The following HIPK2 variants were observed in gnomAD, a reference collection of about 807,000 sequenced individuals.
The protein encoded by HIPK2 is homeodomain-interacting protein kinase 2.
Under a neutral mutation model 113.7 loss-of-function variants are expected in HIPK2, and 27 were observed. The observed-to-expected ratio is 0.24, with a 90% confidence interval of 0.17 to 0.33. The LOEUF is 0.33. Among genes scored for constraint, HIPK2 ranks in the 10% least tolerant of loss-of-function variants. HIPK2 has a pLI of 1.00. For missense variants in HIPK2, 1,257 were observed against 1,588.0 expected, an observed-to-expected ratio of 0.79 and a Z score of 3.54; for synonymous variants, 631 against 642.2, an observed-to-expected ratio of 0.98 and a Z score of 0.26.
At position 139,596,973 on chromosome 7, in the gene HIPK2, A is replaced by C; in HGVS notation, c.2461T>G (p.Ser821Ala). The change falls in exon 12 of 15, where the codon TCC becomes GCC. Residue 821 changes from serine (S) to alanine (A), a missense_variant. This residue lies in a region of HIPK2 where 862 missense variants were observed against 1,004.3 expected (regional missense o/e 0.86). Transcript: ENST00000406875. ...VRNVSTCEVSSSQAISSPQRS... is the reference protein window; with the variant it reads ...VRNVSTCEVSASQAISSPQRS... ...TGTGGGGAGCTGATGGCCTGAGAGG[A>C]GGACACCTCACAGGTGGAGACATTT... 3.1e-6 allele frequency: 5 copies of C among 1,601,298 alleles called. No homozygotes were observed. Among genetic ancestry groups the C allele is most frequent in the Non-Finnish European group, 4.3e-6 (5 of 1,169,768 alleles).
chr7:139,632,014 A>G (rs1800635199), intron 2 of HIPK2, among the ~76,000 whole-genome samples: 1 of 152,270 alleles, frequency 6.6e-6, no homozygotes, highest in African/African-American at 2.4e-5. Flanking sequence ...TTCACACGCC[A>G]ATCAGATGAG....
intron 2 of HIPK2, among the ~76,000 whole-genome samples, chr7:139,664,213 C>A (rs993239582): frequency 2.0e-5 from 3 of 152,232 alleles, no homozygotes; most frequent in Admixed American, 6.5e-5. Flanking sequence ...TTTTTCCTGT[C>A]ATCCGCACCC....
In HIPK2 at chr7:139,771,982, G is replaced by A. The variant is rs901639070; in HGVS notation, c.19+5623C>T. ...TAGAATACTGGAATTGGTCACTCAG[G>A]GAGTTCCAACTGCCCTTTCCTGGAA... On this transcript the variant is annotated intron_variant, in intron 1 of 14. Transcript: ENST00000406875. 3.9e-5 allele frequency among the ~76,000 whole-genome samples: 6 copies of A among 152,122 alleles called. No homozygotes were observed. In the East Asian group the frequency reaches 5.8e-4, roughly 15 times the overall value.
At chr7:139,742,992 G>A (rs564707965) in intron 1 of HIPK2, among the ~76,000 whole-genome samples, 15 of 152,158 alleles carry the variant, frequency 9.9e-5, no homozygotes, top group Non-Finnish European at 1.5e-4. Context: ...GGACAGAAAC[G>A]TGGCATGGCA....
At chr7:139,646,926 C>T (rs529526997) in intron 2 of HIPK2, among the ~76,000 whole-genome samples, 16 of 152,122 alleles carry the variant, frequency 1.1e-4, no homozygotes, top group South Asian at 4.2e-4. Flanking sequence ...GCTTCCCCTC[C>T]GCACCTCTGT....
rs2116432530 is a variant in HIPK2 at position 139,570,668 on chromosome 7, G to A, written c.*2259C>T. The A allele has an allele frequency of 6.6e-6, 1 of 152,462 alleles. No individual in the cohort carries two copies. The highest frequency in any genetic ancestry group is 2.1e-4 in the South Asian group (1 of 4,826). The allele number at this position is 152,462 out of a possible 1,614,324, so 9.4% of individuals were successfully genotyped here. ...AACGACTTCGTTACTGAGTTAGGTT[G>A]GATATCACTACAAACACACCTTTCA... On this transcript the variant is annotated 3_prime_UTR_variant, in exon 15 of 15. Coordinates refer to ENST00000406875, the MANE Select transcript of HIPK2 (RefSeq NM_022740.5).
In HIPK2 at chr7:139,589,650, T is replaced by C. The variant is rs6952962; in HGVS notation, c.2718-5586A>G. Among the ~76,000 whole-genome samples the C allele has an allele frequency of 4.3e-3, 651 of 152,300 alleles. 11 individuals are homozygous for C. Among genetic ancestry groups the C allele is most frequent in the African/African-American group, 0.015 (638 of 41,564 alleles). ...GAAGAATGGCTTTCTGGCATGAGTC[T>C]TGTGAGAGCTGACAGCTTGGCGTGG... On this transcript the variant is annotated intron_variant, in intron 12 of 14. Transcript: ENST00000406875.
At chr7:139,574,192 G>A (rs1798410891) in intron 14 of HIPK2, among the ~76,000 whole-genome samples, 1 of 152,034 alleles carries the variant, frequency 6.6e-6, no homozygotes, top group Non-Finnish European at 1.5e-5. Flanking sequence ...AAAATTATTG[G>A]CTCTCACAAC....
At chr7:139,721,160 C>G (rs1008174632) in intron 1 of HIPK2, among the ~76,000 whole-genome samples, 1 of 152,214 alleles carries the variant, frequency 6.6e-6, no homozygotes, top group Non-Finnish European at 1.5e-5. Flanking sequence ...CTGGACCCAA[C>G]GCTCAGTGCA....
At chr7:139,601,021 C>G (rs573713742) in intron 10 of HIPK2, among the ~76,000 whole-genome samples, 1 of 152,244 alleles carries the variant, frequency 6.6e-6, no homozygotes, top group South Asian at 2.1e-4. Flanking sequence ...GGAGGGCAGA[C>G]GGCTTGAGCT....
In HIPK2 at chr7:139,714,542, G is replaced by C. The variant is rs1037952946; in HGVS notation, c.1103+1390C>G. Among the ~76,000 whole-genome samples, 1 of 152,206 alleles carries C rather than the reference G, an allele frequency of 6.6e-6. No homozygotes were observed. Among genetic ancestry groups the C allele is most frequent in the Non-Finnish European group, 1.5e-5 (1 of 68,030 alleles). On this transcript the variant is annotated intron_variant, in intron 2 of 14. Coordinates refer to ENST00000406875, the MANE Select transcript of HIPK2 (RefSeq NM_022740.5). This position sits in a 1 kb window ranked among gnomAD's most constrained non-coding sequence, Gnocchi z 4.2. The stretch of plus-strand genomic sequence containing the variant: ...AGGTCAGCCCCAGGAATGGGTGACA[G>C]GTCAGCTGTGTCGACAAGGCCCTGG...
chr7:139,598,731 G>C (rs188564762), intron 11 of HIPK2, among the ~76,000 whole-genome samples: 1 of 152,230 alleles, frequency 6.6e-6, no homozygotes, highest in Non-Finnish European at 1.5e-5. Flanking sequence ...GGAGGCTAAG[G>C]GTTCTTACTG....
chr7:139,575,269 C>T lies in HIPK2; in HGVS notation c.2985G>A (p.Ser995=), dbSNP rs999342280. The change falls in exon 14 of 15, where the codon TCG becomes TCA. Residue 995 remains serine (S), a synonymous_variant. Coordinates refer to ENST00000406875, the MANE Select transcript of HIPK2 (RefSeq NM_022740.5). ...SLVPVNTSHH[S]SSYKSKSSSN... The stretch of plus-strand genomic sequence containing the variant: ...TGGAGGACTTGGACTTGTAGGAGGA[C>T]GAGTGGTGACTGGTGTTGACTGTGG... The T allele has an allele frequency of 1.9e-5, 30 of 1,573,280 alleles. No homozygotes were observed. The Admixed American group carries it at 3.0e-4, about 16-fold the overall frequency.
chr7:139,578,240 C>T (rs1348654648), intron 13 of HIPK2, among the ~76,000 whole-genome samples: 1 of 152,106 alleles, frequency 6.6e-6, no homozygotes, highest in African/African-American at 2.4e-5. Flanking sequence ...GAATTCCTGA[C>T]CTTGTGATCC....
chr7:139,700,417 C>G (rs1021629885), intron 2 of HIPK2, among the ~76,000 whole-genome samples: 1 of 152,160 alleles, frequency 6.6e-6, no homozygotes, highest in African/African-American at 2.4e-5. Flanking sequence ...GCTATGATGA[C>G]GGTCACAAAA....
intron 2 of HIPK2, among the ~76,000 whole-genome samples, chr7:139,667,442 T>TTTGAAAAA (rs1257027775): frequency 6.6e-6 from 1 of 152,220 alleles, no homozygotes; most frequent in African/African-American, 2.4e-5. Flanking sequence ...GGGGATATGA[T>TTTGAAAAA]TTGAAAAACT....
rs1797989378 is a variant in HIPK2 at position 139,563,002 on chromosome 7, G to C, written c.*9925C>G. 1 of 152,126 alleles carries C rather than the reference G, an allele frequency of 6.6e-6. No homozygotes were observed. The highest frequency in any genetic ancestry group is 2.4e-5 in the African/African-American group (1 of 41,394). 9.4% of individuals were successfully genotyped at this position (152,126 alleles called of 1,614,324 possible). ...ATGAAGAGATGATTTGGGGGCTAGAGATGACTGTGCCCTGGAAAGTCCATG... is the reference window on the plus strand; with the variant it reads ...ATGAAGAGATGATTTGGGGGCTAGACATGACTGTGCCCTGGAAAGTCCATG... On this transcript the variant is annotated 3_prime_UTR_variant, in exon 15 of 15. Coordinates refer to ENST00000406875, the MANE Select transcript of HIPK2 (RefSeq NM_022740.5).
intron 1 of HIPK2, among the ~76,000 whole-genome samples, chr7:139,763,483 CA>C (rs138352751): frequency 0.17 from 23,115 of 134,660 alleles, 2,897 homozygotes; most frequent in African/African-American, 0.23. Context: ...CCCCCCCCCC[CA>C]CACGCCCCTC....
At chr7:139,623,425 G>A (rs1800307937) in intron 6 of HIPK2, among the ~76,000 whole-genome samples, 1 of 150,546 alleles carries the variant, frequency 6.6e-6, no homozygotes, top group South Asian at 2.1e-4. Flanking sequence ...CAGGAGAATC[G>A]CTTGAACCTG....
Sources: gnomAD v4.1 joint callset for allele counts (sites outside exome capture counted in the v4.1 genomes callset) on GRCh38, gnomAD v4.1.1 for gene constraint, gnomAD v4.1.1 regional missense constraint, Gnocchi (gnomAD v3.1) non-coding constraint, MANE v1.5 for transcripts, NCBI Gene and HGNC (gene_info 2026-07-23, HGNC 2026-07-21) for gene names.